Variants in TENM4 observed in about 807,000 individuals in gnomAD.
The protein encoded by TENM4 is teneurin-4.
Under a neutral mutation model 243.3 loss-of-function variants are expected in TENM4, and 82 were observed. The observed-to-expected ratio is 0.34, with a 90% CI of 0.28 to 0.40. The LOEUF is 0.40. TENM4 is among the 10% of genes least tolerant of loss of function. TENM4 has a pLI of 1.00. For synonymous variants in TENM4, 1,412 were observed against 1,456.3 expected (o/e 0.97, Z 0.69); for missense variants, 3,138 against 3,673.3 (o/e 0.85, Z 3.77).
At chr11:79,427,403 T>C (rs891731886) in intron 1 of TENM4, among the ~76,000 whole-genome samples, 3 of 152,284 alleles carry the variant, frequency 2.0e-5, no homozygotes, top group South Asian at 4.2e-4. Flanking sequence ...TATATCCTTA[T>C]GAGGGAATAC....
chr11:79,416,475 T>C (rs1858816165), intron 1 of TENM4, among the ~76,000 whole-genome samples: 2 of 152,220 alleles, frequency 1.3e-5, no homozygotes, highest in Admixed American at 1.3e-4. Flanking sequence ...CTAATGATAC[T>C]GAGCATTCTT....
chr11:79,145,824 A>G (rs1430387477), intron 4 of TENM4, among the ~76,000 whole-genome samples: 1 of 152,000 alleles, frequency 6.6e-6, no homozygotes, highest in African/African-American at 2.4e-5. Flanking sequence ...AGCCATTCTG[A>G]TGAGTACATA....
chr11:79,104,864 C>T (rs1861325353), intron 4 of TENM4, among the ~76,000 whole-genome samples: 1 of 152,208 alleles, frequency 6.6e-6, no homozygotes, highest in Non-Finnish European at 1.5e-5. Flanking sequence ...AGGAGGTGGG[C>T]TCATCTCCAT....
chr11:79,092,454 G>T (rs578111086), intron 4 of TENM4, among the ~76,000 whole-genome samples: 2 of 152,124 alleles, frequency 1.3e-5, no homozygotes, highest in Non-Finnish European at 2.9e-5. Context: ...TGCGTCATTC[G>T]CATGGACCCA....
intron 6 of TENM4, among the ~76,000 whole-genome samples, chr11:78,992,662 C>T (rs998584575): frequency 6.6e-6 from 1 of 152,126 alleles, no homozygotes; most frequent in East Asian, 1.9e-4. Context: ...CAAAAGAAAG[C>T]GTAGAGCCAT....
intron 15 of TENM4, among the ~76,000 whole-genome samples, chr11:78,790,615 G>A (rs1857035881): frequency 6.6e-6 from 1 of 152,198 alleles, no homozygotes; most frequent in Non-Finnish European, 1.5e-5. Flanking sequence ...ATTCTATGAG[G>A]TCATGTGATC....
rs1565220015 is a variant in TENM4 at position 79,139,016 on chromosome 11, CTATAAATATATATTATATTT to C, written c.-66+9674_-66+9693del. Among the ~76,000 whole-genome samples, 8 of 17,296 alleles carry C rather than the reference CTATAAATATATATTATATTT, an allele frequency of 4.6e-4. 1 individual carries two copies. Among genetic ancestry groups the C allele is most frequent in the Non-Finnish European group, 9.1e-4 (5 of 5,510 alleles). The allele number at this position is 17,296 out of a possible 152,430, so 11.3% of individuals were successfully genotyped here. A position where few individuals can be genotyped will look rare whatever the true frequency, so the allele number is the denominator to read the frequency against. On this transcript the variant is annotated intron_variant, in intron 4 of 33. Coordinates refer to ENST00000278550, the MANE Select transcript of TENM4 (RefSeq NM_001098816.3). ...AATATATAAAATATATATTATATTT[CTATAAATATATATTATATTT>C]CTATAAATATATAAAATATATATTA...
At chr11:78,865,063 T>A (rs1858935228) in intron 9 of TENM4, among the ~76,000 whole-genome samples, 1 of 152,136 alleles carries the variant, frequency 6.6e-6, no homozygotes, top group Admixed American at 6.5e-5. Context: ...CTCATGGCAA[T>A]CTCACCAGAC....
At chr11:79,298,097 A>C (rs1226067854) in intron 1 of TENM4, among the ~76,000 whole-genome samples, 1 of 151,940 alleles carries the variant, frequency 6.6e-6, no homozygotes, top group Non-Finnish European at 1.5e-5. Context: ...TTTCCTTCCC[A>C]TCCTTTTCAT....
rs1855756839 is a variant in TENM4, at chr11:78,895,008, G to GAAT, written c.750-3673_750-3672insATT. ...AAAAAAAAAAAAAAAAAAAAAAAAA[G>GAAT]AAGACAATTCTGGCTATTCAGAATG... On this transcript the variant is annotated intron_variant, in intron 7 of 33. Coordinates refer to ENST00000278550, the MANE Select transcript of TENM4 (RefSeq NM_001098816.3). Among the ~76,000 whole-genome samples the GAAT allele has an allele frequency of 4.1e-5, 4 of 97,216 alleles. 1 individual carries two copies. Among genetic ancestry groups the GAAT allele is most frequent in the South Asian group, 3.3e-4 (1 of 2,994 alleles). 63.8% of individuals were successfully genotyped at this position (97,216 alleles called of 152,430 possible). A position where few individuals can be genotyped will look rare whatever the true frequency, so the allele number is the denominator to read the frequency against.
intron 1 of TENM4, among the ~76,000 whole-genome samples, chr11:79,389,274 G>A (rs1225798159): frequency 6.6e-6 from 1 of 152,188 alleles, no homozygotes; most frequent in Non-Finnish European, 1.5e-5. Context: ...TCCTGCCTCA[G>A]TCTCCTGAGT....
chr11:78,765,285 G>A lies in TENM4; in HGVS notation c.2539+5707C>T, dbSNP rs114137867. Reference sequence around the variant, plus strand: ...AGGCTTGCAAAGTCTTTATCTTCCCGTTAGAACACAAGATTTTTAAAGGTC... The same window carrying A: ...AGGCTTGCAAAGTCTTTATCTTCCCATTAGAACACAAGATTTTTAAAGGTC... On this transcript the variant is annotated intron_variant, in intron 18 of 33. Coordinates refer to ENST00000278550, the MANE Select transcript of TENM4 (RefSeq NM_001098816.3). Among the ~76,000 whole-genome samples the A allele has an allele frequency of 4.9e-3, 750 of 152,218 alleles. 12 individuals are homozygous for A. The highest frequency in any genetic ancestry group is 0.018 in the African/African-American group (730 of 41,538).
At chr11:79,411,311 T>C (rs1452132502) in intron 1 of TENM4, among the ~76,000 whole-genome samples, 1 of 152,228 alleles carries the variant, frequency 6.6e-6, no homozygotes, top group Non-Finnish European at 1.5e-5. Context: ...TTGTGCTAAA[T>C]GGCTCTCCCC....
intron 30 of TENM4, among the ~76,000 whole-genome samples, chr11:78,674,632 G>A (rs919110898): frequency 2.0e-5 from 3 of 152,064 alleles, no homozygotes; most frequent in Non-Finnish European, 4.4e-5. Context: ...TGAGGACACT[G>A]CCTCAGAGGC....
At chr11:78,762,566 T>C (rs916739452) in intron 18 of TENM4, among the ~76,000 whole-genome samples, 1 of 152,212 alleles carries the variant, frequency 6.6e-6, no homozygotes, top group Non-Finnish European at 1.5e-5. Flanking sequence ...GAGTGATTAA[T>C]GCCTATACCT....
At chr11:78,954,297 T>C (rs1185380780) in intron 6 of TENM4, among the ~76,000 whole-genome samples, 1 of 152,212 alleles carries the variant, frequency 6.6e-6, no homozygotes, top group Non-Finnish European at 1.5e-5. Context: ...CAGCGAGAGA[T>C]GTTTATTCTC....
At chr11:79,241,057 A>T (rs1048666008) in intron 2 of TENM4, among the ~76,000 whole-genome samples, 2 of 152,178 alleles carry the variant, frequency 1.3e-5, no homozygotes, top group Admixed American at 1.3e-4. Flanking sequence ...AAGTAGTTTT[A>T]AAATGCTGGC....
At chr11:79,205,648 C>T (rs1863837795) in intron 3 of TENM4, among the ~76,000 whole-genome samples, 1 of 152,328 alleles carries the variant, frequency 6.6e-6, no homozygotes, top group Middle Eastern at 3.4e-3. Flanking sequence ...TAAGACAGTT[C>T]ATTCCTTGTT....
intron 6 of TENM4, among the ~76,000 whole-genome samples, chr11:79,039,422 G>A (rs80101843): frequency 0.018 from 2,709 of 152,296 alleles, 87 homozygotes; most frequent in African/African-American, 0.062. Context: ...GCTGTGAGAC[G>A]CAGAAAGAAG....
Sources: gnomAD v4.1 joint callset for allele counts (sites outside exome capture counted in the v4.1 genomes callset) on GRCh38, gnomAD v4.1.1 for gene constraint, MANE v1.5 for transcripts, NCBI Gene and HGNC (gene_info 2026-07-23, HGNC 2026-07-21) for gene names.